Variants in MYOF observed in about 807,000 individuals in gnomAD.
MYOF encodes the protein myoferlin, also known as fer-1-like 3, myoferlin.
In MYOF, 244 loss-of-function variants were observed where a neutral mutation model predicts 284.2. The observed-to-expected ratio is 0.86, with a 90% CI of 0.77 to 0.95. MYOF has a LOEUF of 0.95. MYOF is among the 40% of genes least tolerant of loss of function. The pLI, the probability that MYOF is intolerant of heterozygous loss-of-function variation, is 0.00. For synonymous variants in MYOF, 904 were observed against 919.7 expected, an observed-to-expected ratio of 0.98 and a Z score of 0.31; for missense variants, 2,496 against 2,560.6, an observed-to-expected ratio of 0.97 and a Z score of 0.54.
intron 1 of MYOF, among the ~76,000 whole-genome samples, chr10:93,464,734 G>C (rs570305987): frequency 1.3e-5 from 2 of 152,212 alleles, no homozygotes; most frequent in Admixed American, 6.5e-5. Context: ...TGAACGGTTA[G>C]ATTGCTGTGT....
intron 5 of MYOF, among the ~76,000 whole-genome samples, chr10:93,413,600 C>T (rs527631246): frequency 6.6e-6 from 1 of 152,340 alleles, no homozygotes; most frequent in South Asian, 2.1e-4. Context: ...CACACCAAGT[C>T]AGGAATCACC....
At chr10:93,369,154 A>G (rs141676729) in intron 25 of MYOF, among the ~76,000 whole-genome samples, 1 of 108,584 alleles carries the variant, frequency 9.2e-6, no homozygotes, top group African/African-American at 4.5e-5. Context: ...AGCCTATCTG[A>G]GGCTTCCCTT....
At chr10:93,390,186 C>G (rs78265189) in intron 17 of MYOF, among the ~76,000 whole-genome samples, 2 of 152,152 alleles carry the variant, frequency 1.3e-5, no homozygotes, top group Admixed American at 6.5e-5. Context: ...TGTGGAGCAG[C>G]GTCATCAGAA....
At chr10:93,376,766 C>T (rs1420174984) in intron 22 of MYOF, among the ~76,000 whole-genome samples, 1 of 152,110 alleles carries the variant, frequency 6.6e-6, no homozygotes, top group Non-Finnish European at 1.5e-5. Context: ...GAGCTGTTTC[C>T]CCGAATCAGT....
intron 49 of MYOF, 97 bp downstream of exon 49, chr10:93,319,775 G>T: frequency 6.6e-7 from 1 of 1,521,988 alleles, no homozygotes; most frequent in South Asian, 1.2e-5. Flanking sequence ...CGGACTCAGT[G>T]ACCTCCGAGA....
At chr10:93,476,092 T>C (rs1477759013) in intron 1 of MYOF, among the ~76,000 whole-genome samples, 3 of 152,090 alleles carry the variant, frequency 2.0e-5, no homozygotes, top group South Asian at 4.2e-4. Flanking sequence ...ACCCGAGTAG[T>C]GTGATTATCA....
In MYOF at chr10:93,356,996, A is replaced by G. The variant is rs540569441; in HGVS notation, c.3121-148T>C. The G allele has an allele frequency of 1.6e-4, 134 of 860,334 alleles. No individual in the cohort carries two copies. The African/African-American group carries it at 2.0e-3, about 13-fold the overall frequency. 53.3% of individuals were successfully genotyped at this position (860,334 alleles called of 1,614,324 possible). Reference sequence around the variant, plus strand: ...ACTGAGCTAGAGTCAGGAATACAGAAAAGAAAAAAACAGACAGGACCTCTG... The same window carrying G: ...ACTGAGCTAGAGTCAGGAATACAGAGAAGAAAAAAACAGACAGGACCTCTG... On this transcript the variant is annotated intron_variant, in intron 29 of 53. Transcript: ENST00000359263.
At chr10:93,414,411 C>T (rs375640849) in intron 5 of MYOF, among the ~76,000 whole-genome samples, 11 of 152,160 alleles carry the variant, frequency 7.2e-5, no homozygotes, top group African/African-American at 2.4e-4. Flanking sequence ...TGGTGGCGTG[C>T]ACCTGTGGTC....
At chr10:93,358,000 A>C (rs1257081411) in intron 29 of MYOF, among the ~76,000 whole-genome samples, 2 of 152,250 alleles carry the variant, frequency 1.3e-5, no homozygotes, top group African/African-American at 4.8e-5. Flanking sequence ...AGAAACTATC[A>C]TCAGAGTGAA....
chr10:93,450,914 G>A (rs761713876), intron 3 of MYOF, among the ~76,000 whole-genome samples: 2 of 152,070 alleles, frequency 1.3e-5, no homozygotes, highest in African/African-American at 2.4e-5. Flanking sequence ...TCTTGAAATC[G>A]AGGATACAAA....
chr10:93,328,997 G>A (rs1437616577), intron 44 of MYOF, 86 bp from the exon 45 acceptor site: 10 of 1,403,780 alleles, frequency 7.1e-6, no homozygotes, highest in African/African-American at 4.2e-5. Flanking sequence ...TGTACTCTTA[G>A]GTGCTCCCAT....
At chr10:93,478,017 G>A (rs1482804054) in intron 1 of MYOF, among the ~76,000 whole-genome samples, 1 of 152,110 alleles carries the variant, frequency 6.6e-6, no homozygotes, top group Admixed American at 6.6e-5. Context: ...TGACCCTGAA[G>A]GACTAACAGT....
At chr10:93,341,280 CT>C (rs35414380) in intron 38 of MYOF, among the ~76,000 whole-genome samples, 2,084 of 145,234 alleles carry the variant, frequency 0.014, 51 homozygotes, top group African/African-American at 0.049. Context: ...ATTTAAAAGG[CT>C]TTTTTTTTTT....
In MYOF at chr10:93,343,933, C is replaced by A; in HGVS notation, c.4250-1G>T. The A allele has an allele frequency of 1.2e-6, 2 of 1,614,128 alleles. No individual in the cohort carries two copies. The highest frequency in any genetic ancestry group is 1.7e-6 in the Non-Finnish European group (2 of 1,180,000). The stretch of plus-strand genomic sequence containing the variant: ...CATGGTGGGGCAGACAGAAGGGAGG[C>A]TGCAAGACAAATACTTTCTTAATCT... On this transcript the variant is annotated splice_acceptor_variant, in intron 37 of 53. Coordinates refer to ENST00000359263, the MANE Select transcript of MYOF (RefSeq NM_013451.4). LOFTEE classifies it high-confidence loss of function.
At position 93,348,505 on chromosome 10, in the gene MYOF, C is replaced by T. The variant is rs572491515; in HGVS notation, c.4084-723G>A. ...TTGACACAGGAATAGAAACTGGGGT[C>T]ACCTGAGTGGTTTTTCTCATCTCTG... On this transcript the variant is annotated intron_variant, in intron 36 of 53. Transcript: ENST00000359263. 2.0e-5 allele frequency among the ~76,000 whole-genome samples: 3 copies of T among 152,270 alleles called. No homozygotes were observed. In the East Asian group the frequency reaches 5.8e-4, roughly 29 times the overall value.
At chr10:93,397,021 G>T (rs184489135) in intron 15 of MYOF, among the ~76,000 whole-genome samples, 1 of 152,056 alleles carries the variant, frequency 6.6e-6, no homozygotes, top group South Asian at 2.1e-4. Flanking sequence ...TTTTCAGCAC[G>T]TTCCCCTTCT....
chr10:93,330,369 C>T (rs944153075), intron 43 of MYOF, among the ~76,000 whole-genome samples: 3 of 152,138 alleles, frequency 2.0e-5, no homozygotes, highest in Non-Finnish European at 4.4e-5. Flanking sequence ...TTATAGCCCC[C>T]TACCTGTGCC....
intron 26 of MYOF, among the ~76,000 whole-genome samples, chr10:93,364,779 G>A (rs1163655399): frequency 6.6e-6 from 1 of 151,886 alleles, no homozygotes; most frequent in Non-Finnish European, 1.5e-5. Flanking sequence ...CTCAAATGAG[G>A]GTTTTTTTTC....
intron 50 of MYOF, among the ~76,000 whole-genome samples, chr10:93,315,806 ACC>A (rs1842589830): frequency 1.3e-5 from 2 of 151,754 alleles, no homozygotes; most frequent in African/African-American, 2.4e-5. Context: ...GAGCAGAAGA[ACC>A]TCAGGGAAGG....
Sources: gnomAD v4.1 joint callset for allele counts (sites outside exome capture counted in the v4.1 genomes callset) on GRCh38, gnomAD v4.1.1 for gene constraint, MANE v1.5 for transcripts, NCBI Gene and HGNC (gene_info 2026-07-23, HGNC 2026-07-21) for gene names.